The following OCA2 variants were observed in gnomAD, a reference collection of about 807,000 sequenced individuals.
OCA2 encodes P protein.
In OCA2, 77 loss-of-function variants were observed where a neutral mutation model predicts 100.2. The ratio of observed to expected loss-of-function variants is 0.77; its 90% CI spans 0.64 to 0.93. OCA2 has a LOEUF of 0.93. OCA2 is among the 40% of genes least tolerant of loss of function. OCA2 has a pLI of 0.00. For synonymous variants in OCA2, 432 were observed against 439.2 expected (o/e 0.98, Z 0.21); for missense variants, 1,062 against 1,089.1 (o/e 0.98, Z 0.35).
intron 23 of OCA2, among the ~76,000 whole-genome samples, chr15:27,842,474 G>A (rs1202428125): frequency 6.6e-6 from 1 of 152,190 alleles, no homozygotes; most frequent in Admixed American, 6.5e-5. Context: ...CTTTGAGTTA[G>A]ATAAAAGTCA....
intron 2 of OCA2, among the ~76,000 whole-genome samples, chr15:28,033,023 A>C (rs562977511): frequency 4.1e-4 from 62 of 152,342 alleles, no homozygotes; most frequent in Admixed American, 1.2e-3. Flanking sequence ...GAAGCAAAGC[A>C]AAGGTTTGCA....
intron 19 of OCA2, among the ~76,000 whole-genome samples, chr15:27,891,407 G>A (rs559803460): frequency 6.6e-6 from 1 of 152,312 alleles, no homozygotes; most frequent in South Asian, 2.1e-4. Context: ...GGAAACAGAG[G>A]AAATAAAGAG....
the OCA2 span, among the ~76,000 whole-genome samples, chr15:27,736,975 T>G: frequency 6.6e-6 from 1 of 152,254 alleles, no homozygotes; most frequent in African/African-American, 2.4e-5. Flanking sequence ...TGGGAATTAT[T>G]AATTAAATTT....
chr15:27,807,027 G>C (rs955851858), intron 23 of OCA2, among the ~76,000 whole-genome samples: 1 of 152,022 alleles, frequency 6.6e-6, no homozygotes, highest in Admixed American at 6.5e-5. Flanking sequence ...CGAAAAACAC[G>C]TGCTCTGGAC....
chr15:27,841,433 T>C (rs2035338089), intron 23 of OCA2, among the ~76,000 whole-genome samples: 1 of 152,214 alleles, frequency 6.6e-6, no homozygotes, highest in South Asian at 2.1e-4. Context: ...AAGATTTTAC[T>C]ACCAGGGGTT....
the OCA2 span, among the ~76,000 whole-genome samples, chr15:27,739,711 G>C: frequency 6.6e-6 from 1 of 152,036 alleles, no homozygotes; most frequent in Non-Finnish European, 1.5e-5. Context: ...CTCCCAAAAT[G>C]CTGGGATTAC....
intron 19 of OCA2, among the ~76,000 whole-genome samples, chr15:27,901,270 C>T (rs1478293694): frequency 1.3e-5 from 2 of 152,228 alleles, no homozygotes; most frequent in East Asian, 1.9e-4. Context: ...TCCCTCATTG[C>T]CCTTTAGTCC....
intron 11 of OCA2, among the ~76,000 whole-genome samples, chr15:27,987,472 C>A (rs2041394288): frequency 6.6e-6 from 1 of 151,840 alleles, no homozygotes; most frequent in Admixed American, 6.6e-5. Flanking sequence ...GTAATCCCAG[C>A]ACTTTGGGAG....
intron 19 of OCA2, among the ~76,000 whole-genome samples, chr15:27,881,011 T>G (rs1214698235): frequency 6.6e-6 from 1 of 152,182 alleles, no homozygotes; most frequent in African/African-American, 2.4e-5. Flanking sequence ...TAAATGATTC[T>G]TATTATTTTG....
chr15:28,014,193 C>G (rs1239125753), intron 9 of OCA2, among the ~76,000 whole-genome samples: 1 of 152,216 alleles, frequency 6.6e-6, no homozygotes, highest in Non-Finnish European at 1.5e-5. Flanking sequence ...CTGCCCAGCC[C>G]AGGAAGGGTC....
At chr15:27,833,624 A>G (rs2035041971) in intron 23 of OCA2, among the ~76,000 whole-genome samples, 1 of 152,210 alleles carries the variant, frequency 6.6e-6, no homozygotes, top group African/African-American at 2.4e-5. Flanking sequence ...AATTAATAAT[A>G]TACCAAAAAC....
chr15:27,892,982 A>T (rs2037527230), intron 19 of OCA2, among the ~76,000 whole-genome samples: 2 of 152,350 alleles, frequency 1.3e-5, no homozygotes, highest in Non-Finnish European at 1.5e-5. Context: ...CAATTCCTCA[A>T]AAAACACAAA....
the OCA2 span, among the ~76,000 whole-genome samples, chr15:27,724,399 C>T: frequency 6.6e-6 from 1 of 152,104 alleles, no homozygotes; most frequent in Admixed American, 6.5e-5. Flanking sequence ...TCTCTGTGTC[C>T]ACACTTCCCC....
intron 19 of OCA2, among the ~76,000 whole-genome samples, chr15:27,917,443 A>T (rs1442704057): frequency 6.6e-6 from 1 of 152,220 alleles, no homozygotes; most frequent in Non-Finnish European, 1.5e-5. Flanking sequence ...CTGTGCTCAT[A>T]AACATCATGT....
intron 19 of OCA2, among the ~76,000 whole-genome samples, chr15:27,913,914 A>AGAAAGAAG (rs2038558699): frequency 1.7e-5 from 1 of 60,324 alleles, no homozygotes; most frequent in African/African-American, 8.4e-5. Context: ...CAAGCAAGCA[A>AGAAAGAAG]GCAAGCAAGC....
intron 9 of OCA2, among the ~76,000 whole-genome samples, chr15:28,014,284 C>T (rs1477959420): frequency 2.0e-5 from 3 of 152,216 alleles, no homozygotes; most frequent in Non-Finnish European, 4.4e-5. Flanking sequence ...CTTAAGATCA[C>T]ATGTGGAAAT....
chr15:28,028,004 C>G lies in OCA2; in HGVS notation c.382G>C (p.Glu128Gln). The G allele has an allele frequency of 1.2e-6, 2 of 1,614,228 alleles. No homozygotes were observed. The stretch of plus-strand genomic sequence containing the variant: ...CGCTCCCAGTCAGCAGAGCTGTCTT[C>G]CCAAGACTCTTCAGCAGTGATGAAC... ...PEFITAEESW[E>Q]DSSADWERRY... Residue 128 changes from glutamate to glutamine, a missense_variant, in exon 4 of 24, where the codon GAA becomes CAA. Coordinates refer to ENST00000354638, the MANE Select transcript of OCA2 (RefSeq NM_000275.3).
chr15:27,939,697 T>C (rs1419617976), intron 18 of OCA2, among the ~76,000 whole-genome samples: 4 of 152,230 alleles, frequency 2.6e-5, no homozygotes, highest in Non-Finnish European at 5.9e-5. Flanking sequence ...GTGCTGCAGG[T>C]GCATTAGACA....
At chr15:27,745,837 G>A in the OCA2 span, among the ~76,000 whole-genome samples, 63 of 152,286 alleles carry the variant, frequency 4.1e-4, no homozygotes, top group African/African-American at 1.3e-3. Context: ...CACTCCTTTC[G>A]ATTCATTCCA....
Sources: gnomAD v4.1 joint callset for allele counts (sites outside exome capture counted in the v4.1 genomes callset) on GRCh38, gnomAD v4.1.1 for gene constraint, MANE v1.5 for transcripts, NCBI Gene and HGNC (gene_info 2026-07-23, HGNC 2026-07-21) for gene names.